The following GRIK4 variants were observed in gnomAD, a reference collection of about 807,000 sequenced individuals.
GRIK4 encodes glutamate ionotropic receptor kainate type subunit 4.
Under a neutral mutation model 104.9 loss-of-function variants are expected in GRIK4, and 40 were observed. The observed-to-expected ratio is 0.38, with a 90% CI of 0.30 to 0.50. GRIK4 has a LOEUF of 0.50. Among genes scored for constraint, GRIK4 ranks in the 20% least tolerant of loss-of-function variants. The pLI is 0.93. For synonymous variants in GRIK4, 485 were observed against 524.9 expected (o/e 0.92, Z 1.04); for missense variants, 1,047 against 1,308.1 (o/e 0.80, Z 3.08).
chr11:120,833,259 C>T (rs559942262), intron 7 of GRIK4, among the ~76,000 whole-genome samples: 1 of 148,952 alleles, frequency 6.7e-6, no homozygotes, highest in East Asian at 2.0e-4. Flanking sequence ...CATTATCTCT[C>T]TCTCTTTCTT....
chr11:120,643,398 G>C (rs1949496075), intron 1 of GRIK4, among the ~76,000 whole-genome samples: 1 of 152,150 alleles, frequency 6.6e-6, no homozygotes, highest in Non-Finnish European at 1.5e-5. Context: ...GAATGTGCAG[G>C]GTGTGCCTGA....
intron 1 of GRIK4, among the ~76,000 whole-genome samples, chr11:120,594,003 CA>C (rs1948769306): frequency 6.6e-6 from 1 of 152,208 alleles, no homozygotes; most frequent in South Asian, 2.1e-4. Context: ...TCCAGGCCAC[CA>C]CCATCTCTCC....
chr11:120,513,433 C>T lies in GRIK4; in HGVS notation c.-159+1546C>T, dbSNP rs1313878600. Among the ~76,000 whole-genome samples the T allele has an allele frequency of 6.6e-6, 1 of 152,166 alleles. No individual in the cohort carries two copies. Among genetic ancestry groups the T allele is most frequent in the Non-Finnish European group, 1.5e-5 (1 of 68,018 alleles). ...GGGGCGAGGGGCTTGTCGAGGTCCA[C>T]TGTGTTCCGGTCCCACCAGGGATGG... On this transcript the variant is annotated intron_variant, in intron 1 of 20. Transcript: ENST00000527524. The surrounding 1 kb of genome is among the most constrained non-coding windows in gnomAD (Gnocchi z 4.5).
intron 1 of GRIK4, among the ~76,000 whole-genome samples, chr11:120,586,283 C>T (rs1482841514): frequency 6.6e-6 from 1 of 151,732 alleles, no homozygotes; most frequent in Non-Finnish European, 1.5e-5. Context: ...GGGGAAGTAC[C>T]AGAATATGCA....
rs1035564978 is a variant in GRIK4 at position 120,967,075 on chromosome 11, T to C, written c.2267-120T>C. ...GCTCGCCCCACCCGCTGCATCTGTC[T>C]GTCCCCTCTCGAGGTGAAAGCAGGC... is the stretch of plus-strand genomic sequence containing the variant. On this transcript the variant is annotated intron_variant, in intron 18 of 20. Transcript: ENST00000527524. The surrounding 1 kb of genome is among the most constrained non-coding windows in gnomAD (Gnocchi z 4.2). 18 of 1,125,000 alleles carry C rather than the reference T, an allele frequency of 1.6e-5. No homozygotes were observed. Among genetic ancestry groups the C allele is most frequent in the Non-Finnish European group, 2.0e-5 (16 of 785,300 alleles). The allele number at this position is 1,125,000 out of a possible 1,614,324, so 69.7% of individuals were successfully genotyped here.
intron 8 of GRIK4, among the ~76,000 whole-genome samples, chr11:120,857,416 G>A (rs1486730322): frequency 6.6e-6 from 1 of 152,060 alleles, no homozygotes; most frequent in Non-Finnish European, 1.5e-5. Context: ...ATCCACTTGT[G>A]GCTCTGACCT....
At chr11:120,772,584 AAG>A (rs1369066294) in intron 3 of GRIK4, among the ~76,000 whole-genome samples, 1 of 152,104 alleles carries the variant, frequency 6.6e-6, no homozygotes, top group African/African-American at 2.4e-5. Context: ...GAGGTCAAAA[AAG>A]GAGATGGTCT....
At chr11:120,888,473 G>A (rs1232447926) in intron 11 of GRIK4, among the ~76,000 whole-genome samples, 2 of 152,150 alleles carry the variant, frequency 1.3e-5, no homozygotes, top group Non-Finnish European at 1.5e-5. Context: ...TATGGTAAGT[G>A]TTCAAAAGTC....
chr11:120,578,154 A>G (rs1565557542), intron 1 of GRIK4, among the ~76,000 whole-genome samples: 1 of 152,216 alleles, frequency 6.6e-6, no homozygotes, highest in Non-Finnish European at 1.5e-5. Context: ...ACCAGAGGGC[A>G]GGGAAGTAGA....
At chr11:120,883,175 T>A (rs2135708915) in intron 11 of GRIK4, among the ~76,000 whole-genome samples, 1 of 152,078 alleles carries the variant, frequency 6.6e-6, no homozygotes, top group South Asian at 2.1e-4. Context: ...ACAGCCCACC[T>A]CCCTGGGCCC....
chr11:120,898,710 C>T, intron 12 of GRIK4, 71 bp downstream of exon 12: 2 of 827,960 alleles, frequency 2.4e-6, no homozygotes, highest in South Asian at 2.8e-5. Context: ...CACTCACAGG[C>T]TGCCCCTTGA....
chr11:120,946,782 G>T (rs1483176848), intron 14 of GRIK4, among the ~76,000 whole-genome samples: 1 of 152,122 alleles, frequency 6.6e-6, no homozygotes, highest in Non-Finnish European at 1.5e-5. Context: ...CAGGTTTTTG[G>T]TCTCCAAATC....
At position 120,761,501 on chromosome 11, in the gene GRIK4, T is replaced by C. The variant is rs1591879605; in HGVS notation, c.83-41192T>C. 1.3e-5 allele frequency among the ~76,000 whole-genome samples: 2 copies of C among 152,358 alleles called. 1 individual carries two copies. Among genetic ancestry groups the C allele is most frequent in the South Asian group, 4.1e-4 (2 of 4,826 alleles). ...GCTTTTGTTGCCATTGCTTTTGGTG[T>C]TTTAGTCATGAAATCTTTGCCCATG... On this transcript the variant is annotated intron_variant, in intron 3 of 20. Coordinates refer to ENST00000527524, the MANE Select transcript of GRIK4 (RefSeq NM_014619.5).
chr11:120,603,591 G>A (rs946156769), intron 1 of GRIK4, among the ~76,000 whole-genome samples: 2 of 152,090 alleles, frequency 1.3e-5, no homozygotes, highest in African/African-American at 2.4e-5. Flanking sequence ...TACGCCTCAC[G>A]ACAAGCCTGC....
At chr11:120,703,449 C>T (rs1371629399) in intron 3 of GRIK4, among the ~76,000 whole-genome samples, 2 of 151,988 alleles carry the variant, frequency 1.3e-5, no homozygotes, top group African/African-American at 4.8e-5. Flanking sequence ...GTCTAAAGTT[C>T]TAGGGTTTAT....
intron 5 of GRIK4, among the ~76,000 whole-genome samples, chr11:120,816,757 C>T (rs1952971291): frequency 6.6e-6 from 1 of 152,150 alleles, no homozygotes; most frequent in Non-Finnish European, 1.5e-5. Context: ...TTAAGTGCCG[C>T]GATCCTAGTC....
At chr11:120,736,778 CTCT>C (rs1487220000) in intron 3 of GRIK4, among the ~76,000 whole-genome samples, 2 of 150,612 alleles carry the variant, frequency 1.3e-5, no homozygotes, top group African/African-American at 4.9e-5. Flanking sequence ...CTCTCTCTCT[CTCT>C]CCCCTCACCC....
chr11:120,566,674 T>C (rs1948327898), intron 1 of GRIK4, among the ~76,000 whole-genome samples: 2 of 151,918 alleles, frequency 1.3e-5, no homozygotes, highest in Admixed American at 1.3e-4. Flanking sequence ...TAGGGACATA[T>C]CACAAGATTT....
chr11:120,986,038 C>T lies in GRIK4; in HGVS notation c.2649C>T (p.Gly883=), dbSNP rs1373947596. The T allele has an allele frequency of 6.6e-7, 1 of 1,523,040 alleles. No individual in the cohort carries two copies. The highest frequency in any genetic ancestry group is 2.1e-5 in the Admixed American group (1 of 47,476). 94.3% of individuals were successfully genotyped at this position (1,523,040 alleles called of 1,614,324 possible). A position where few individuals can be genotyped will look rare whatever the true frequency, so the allele number is the denominator to read the frequency against. The change falls in exon 21 of 21, where the codon GGC becomes GGT. Residue 883 remains glycine (G), a synonymous_variant. Coordinates refer to ENST00000527524, the MANE Select transcript of GRIK4 (RefSeq NM_014619.5). ...PPIPEERRPR[G]TATLSNGKLC... ...TCCCCGAGGAGCGCCGACCGCGGGGCACGGCGACGCTCAGCAACGGGAAGC... is the reference window on the plus strand; with the variant it reads ...TCCCCGAGGAGCGCCGACCGCGGGGTACGGCGACGCTCAGCAACGGGAAGC...
Sources: allele counts gnomAD v4.1 joint callset (sites outside exome capture counted in the v4.1 genomes callset), GRCh38; gene constraint gnomAD v4.1.1; non-coding constraint Gnocchi (gnomAD v3.1); transcripts MANE v1.5; gene names NCBI Gene and HGNC (gene_info 2026-07-23, HGNC 2026-07-21).